CPPED1: variants seen among roughly 807,000 people sequenced by gnomAD.
CPPED1 encodes the protein calcineurin like phosphoesterase domain containing 1, also known as serine/threonine-protein phosphatase CPPED1.
In CPPED1, 28 loss-of-function variants were observed where a neutral mutation model predicts 28.0. The ratio of observed to expected loss-of-function variants is 1.00; its 90% confidence interval spans 0.74 to 1.37. The LOEUF (loss-of-function observed/expected upper bound fraction) is 1.37, where lower values mean the gene tolerates loss of function less well. Among genes scored for constraint, CPPED1 ranks in the 40% most tolerant of loss-of-function variants. The pLI is 0.00. For missense variants in CPPED1, 504 were observed against 416.5 expected (o/e 1.21, Z -1.83); for synonymous variants, 198 against 180.2 (o/e 1.10, Z -0.79).
chr16:12,699,604 A>C, intron 3 of CPPED1, among the ~76,000 whole-genome samples: 1 of 152,194 alleles, frequency 6.6e-6, no homozygotes, highest in South Asian at 2.1e-4. Flanking sequence ...TGCTGGAAGG[A>C]AGCTGGGTTT....
At chr16:12,694,777 C>A (rs955812592) in intron 3 of CPPED1, among the ~76,000 whole-genome samples, 7 of 147,716 alleles carry the variant, frequency 4.7e-5, no homozygotes, top group African/African-American at 1.8e-4. Context: ...TTTTAAAAAC[C>A]CCCCCCTTTT....
intron 2 of CPPED1, among the ~76,000 whole-genome samples, chr16:12,705,594 C>T (rs754737728): frequency 7.9e-4 from 120 of 152,266 alleles, no homozygotes; most frequent in Non-Finnish European, 1.3e-3. Flanking sequence ...CCCGTCTCTA[C>T]TAAAAATACA....
At chr16:12,795,240 CG>C (rs1041201190) in intron 1 of CPPED1, among the ~76,000 whole-genome samples, 1 of 152,214 alleles carries the variant, frequency 6.6e-6, no homozygotes, top group Non-Finnish European at 1.5e-5. Context: ...ACCCTTCCCC[CG>C]GGCAGATGTG....
At chr16:12,803,559 G>A in intron 1 of CPPED1, 148 bp downstream of exon 1, 1 of 640,120 alleles carries the variant, frequency 1.6e-6, no homozygotes, top group East Asian at 3.4e-5. Flanking sequence ...CCTAAGAGCA[G>A]GCTTTGATGC....
Position 12,762,500 on chromosome 16 carries a change from T to C in CPPED1, c.289+18685A>G, listed in dbSNP as rs142718786. On this transcript the variant is annotated intron_variant, in intron 2 of 3. Transcript: ENST00000381774. ...CAGTAGATAGATAAAATGTGGTATA[T>C]CCATATGGTAGAATATTATTCAACA... Among the ~76,000 whole-genome samples the C allele has an allele frequency of 5.9e-3, 892 of 152,290 alleles. 10 individuals are homozygous for C. Among genetic ancestry groups the C allele is most frequent in the Non-Finnish European group, 8.2e-3 (556 of 68,030 alleles).
Position 12,663,286 on chromosome 16 carries a change from C to T in CPPED1, c.*1600G>A, listed in dbSNP as rs2079806664. On this transcript the variant is annotated 3_prime_UTR_variant, in exon 4 of 4. Coordinates refer to ENST00000381774, the MANE Select transcript of CPPED1 (RefSeq NM_018340.3). Reference sequence around the variant, plus strand: ...ATGTTGGCCAGGCTGTTCTCAAACTCCTGATCTCAGGTGATCTGCCCGTCT... The same window carrying T: ...ATGTTGGCCAGGCTGTTCTCAAACTTCTGATCTCAGGTGATCTGCCCGTCT... The T allele has an allele frequency of 6.6e-6, 1 of 152,298 alleles. No homozygotes were observed. The highest frequency in any genetic ancestry group is 6.5e-5 in the Admixed American group (1 of 15,274). The allele number at this position is 152,298 out of a possible 1,614,324, so 9.4% of individuals were successfully genotyped here.
intron 2 of CPPED1, among the ~76,000 whole-genome samples, chr16:12,727,576 T>G (rs1041852453): frequency 1.8e-4 from 27 of 152,176 alleles, no homozygotes; most frequent in African/African-American, 6.0e-4. Context: ...CTTGAACTCC[T>G]GGGCTTGAGT....
chr16:12,754,686 C>G (rs2080353419), intron 2 of CPPED1, among the ~76,000 whole-genome samples: 1 of 112,836 alleles, frequency 8.9e-6, no homozygotes, highest in South Asian at 3.1e-4. Context: ...CCACAATGGA[C>G]CCAACTGAAA....
At position 12,789,451 on chromosome 16, in the gene CPPED1, G is replaced by C. The variant is rs577134038; in HGVS notation, c.71-8048C>G. Among the ~76,000 whole-genome samples, 197 of 152,240 alleles carry C rather than the reference G, an allele frequency of 1.3e-3. 1 individual carries two copies. Among genetic ancestry groups the C allele is most frequent in the Middle Eastern group, 6.8e-3 (2 of 294 alleles). ...TTTCAGGACAGCTGAAATTACTATAGAGAAGACATATCCAAGCCAGGAATG... is the reference window on the plus strand; with the variant it reads ...TTTCAGGACAGCTGAAATTACTATACAGAAGACATATCCAAGCCAGGAATG... On this transcript the variant is annotated intron_variant, in intron 1 of 3. Transcript: ENST00000381774.
chr16:12,693,784 T>C (rs529574205), intron 3 of CPPED1, among the ~76,000 whole-genome samples: 12 of 152,376 alleles, frequency 7.9e-5, no homozygotes, highest in African/African-American at 2.9e-4. Context: ...CTAATTGCTA[T>C]TTTTGAAACA....
At chr16:12,683,507 G>A (rs2079916721) in intron 3 of CPPED1, among the ~76,000 whole-genome samples, 2 of 152,088 alleles carry the variant, frequency 1.3e-5, no homozygotes. Flanking sequence ...AGGCTTCGTG[G>A]ACCTCTCTTC....
rs1380175017 is a variant in CPPED1 at position 12,706,405 on chromosome 16, T to C, written c.290-1356A>G. The stretch of plus-strand genomic sequence containing the variant: ...TTGCCACTGAAAGTAATGACAAAAA[T>C]TGCAATTACTTTTGCACCAACCTAA... On this transcript the variant is annotated intron_variant, in intron 2 of 3. Transcript: ENST00000381774. Among the ~76,000 whole-genome samples the C allele has an allele frequency of 3.3e-5, 5 of 150,136 alleles. No individual in the cohort carries two copies. In the South Asian group the frequency reaches 6.5e-4, roughly 20 times the overall value.
chr16:12,667,154 C>T (rs2079830105), intron 3 of CPPED1, among the ~76,000 whole-genome samples: 1 of 152,112 alleles, frequency 6.6e-6, no homozygotes, highest in South Asian at 2.1e-4. Flanking sequence ...ACACCCCTTA[C>T]TCACATTGAC....
chr16:12,708,889 G>A (rs576970137), intron 2 of CPPED1, among the ~76,000 whole-genome samples: 9 of 152,284 alleles, frequency 5.9e-5, no homozygotes, highest in East Asian at 1.9e-4. Context: ...AGACCAGCCT[G>A]GCTAACATGA....
At chr16:12,732,423 G>C (rs1008013912) in intron 2 of CPPED1, among the ~76,000 whole-genome samples, 1 of 149,764 alleles carries the variant, frequency 6.7e-6, no homozygotes, top group Non-Finnish European at 1.5e-5. Flanking sequence ...GAGTACCACA[G>C]TATAGGGGAG....
chr16:12,679,678 A>T (rs1435844990), intron 3 of CPPED1, among the ~76,000 whole-genome samples: 1 of 152,180 alleles, frequency 6.6e-6, no homozygotes, highest in East Asian at 1.9e-4. Context: ...GCCCTATTTT[A>T]GAGCTACTCA....
intron 2 of CPPED1, among the ~76,000 whole-genome samples, chr16:12,727,790 T>C (rs138619986): frequency 6.6e-6 from 1 of 152,328 alleles, no homozygotes; most frequent in East Asian, 1.9e-4. Flanking sequence ...ACACAGTTCG[T>C]AAATTATCCC....
intron 2 of CPPED1, among the ~76,000 whole-genome samples, chr16:12,713,972 A>C (rs1240366353): frequency 6.6e-6 from 1 of 152,120 alleles, no homozygotes; most frequent in Non-Finnish European, 1.5e-5. Flanking sequence ...CTAAGCAATC[A>C]CTAATCTACC....
At chr16:12,766,378 G>A (rs2080439635) in intron 2 of CPPED1, among the ~76,000 whole-genome samples, 1 of 151,714 alleles carries the variant, frequency 6.6e-6, no homozygotes, top group Non-Finnish European at 1.5e-5. Context: ...AAGGAAAAGG[G>A]GTTTAATTGG....
Sources: allele counts gnomAD v4.1 joint callset (sites outside exome capture counted in the v4.1 genomes callset), GRCh38; gene constraint gnomAD v4.1.1; transcripts MANE v1.5; gene names NCBI Gene and HGNC (gene_info 2026-07-23, HGNC 2026-07-21).